Variants in KRT73 observed in about 807,000 individuals in gnomAD.
KRT73 encodes the protein keratin, type II cytoskeletal 73.
A neutral mutation model predicts 47.2 loss-of-function variants in KRT73; 44 were observed. That is an observed-to-expected ratio of 0.93 (90% CI 0.73 to 1.20). KRT73 has a LOEUF of 1.20. Ranked by LOEUF, KRT73 falls within the 50% of genes most tolerant of loss-of-function variation. KRT73 has a pLI of 0.00. For missense variants in KRT73, 713 were observed against 704.5 expected (o/e 1.01, Z -0.14); for synonymous variants, 285 against 291.3 (o/e 0.98, Z 0.22).
At chr12:52,629,696 A>G in the KRT73 span, among the ~76,000 whole-genome samples, 2 of 152,248 alleles carry the variant, frequency 1.3e-5, no homozygotes, top group African/African-American at 4.8e-5. Flanking sequence ...GCCTGTTCGC[A>G]TGAAAACAGA....
chr12:52,610,534 C>CT, intron 7 of KRT73, 81 bp downstream of exon 7: 3 of 186,018 alleles, frequency 1.6e-5, no homozygotes, highest in South Asian at 6.9e-5. Flanking sequence ...TCGCCGCCCC[C>CT]TCCCCCCCGC....
chr12:52,611,175 T>A (rs759417822), intron 6 of KRT73, 29 bp downstream of exon 6: 8 of 1,612,166 alleles, frequency 5.0e-6, no homozygotes, highest in Non-Finnish European at 6.8e-6. Context: ...CCCTTAGGAG[T>A]GAGTAAGGAA....
At chr12:52,611,432 G>T in intron 5 of KRT73, 103 bp from the exon 6 acceptor site, 2 of 1,424,916 alleles carry the variant, frequency 1.4e-6, no homozygotes, top group South Asian at 1.3e-5. Context: ...GCAGAGGTGG[G>T]TCCAGGTCCC....
At chr12:52,609,103 G>T in intron 8 of KRT73, 144 bp downstream of exon 8, 1 of 733,878 alleles carries the variant, frequency 1.4e-6, no homozygotes, top group Non-Finnish European at 2.5e-6. Context: ...GAGGCCGCAG[G>T]TCTCAGCAAG....
At position 52,618,266 on chromosome 12, in the gene KRT73, C is replaced by G. The variant is rs1345181544; in HGVS notation, c.259G>C (p.Gly87Arg). ...CACACGGACCCCAAGGCCACACTGCCAAACATGCTGCCAGCAAAGCCACTG... is the reference window on the plus strand; with the variant it reads ...CACACGGACCCCAAGGCCACACTGCGAAACATGCTGCCAGCAAAGCCACTG... ...RASGFAGSMF[G>R]SVALGSVCPS... The change falls in exon 1 of 9, where the codon GGC becomes CGC. Residue 87 changes from glycine (G) to arginine (R), a missense_variant. Physicochemically the swap from Gly to Arg is moderately radical, Grantham distance 125. Coordinates refer to ENST00000305748, the MANE Select transcript of KRT73 (RefSeq NM_175068.3). The G allele has an allele frequency of 3.1e-6, 5 of 1,614,178 alleles. No individual in the cohort carries two copies. The South Asian group carries it at 3.3e-5, about 11-fold the overall frequency.
At chr12:52,615,712 G>A (rs377413821) in intron 2 of KRT73, among the ~76,000 whole-genome samples, 1 of 152,318 alleles carries the variant, frequency 6.6e-6, no homozygotes. Flanking sequence ...CCCTAGGCAG[G>A]GGTCCCAAGG....
Position 52,615,270 on chromosome 12 carries a change from C to T in KRT73, c.723+9G>A. The T allele has an allele frequency of 1.2e-6, 2 of 1,612,192 alleles. No individual in the cohort carries two copies. The highest frequency in any genetic ancestry group is 1.7e-6 in the Non-Finnish European group (2 of 1,178,516). On this transcript the variant is annotated intron_variant, in intron 3 of 8. Coordinates refer to ENST00000305748, the MANE Select transcript of KRT73 (RefSeq NM_175068.3). ...GGGGGACTGAAGGGAACCCATGCAC[C>T]CTCCTCACCTTCTTAAGCACCACAA...
intron 1 of KRT73, among the ~76,000 whole-genome samples, chr12:52,617,585 G>T (rs926507896): frequency 4.6e-5 from 7 of 152,160 alleles, no homozygotes; most frequent in Non-Finnish European, 8.8e-5. Flanking sequence ...GGAACAGCTG[G>T]GTCGCATGGC....
the KRT73 span, among the ~76,000 whole-genome samples, chr12:52,623,828 G>A: frequency 6.6e-6 from 1 of 151,800 alleles, no homozygotes; most frequent in South Asian, 2.1e-4. Flanking sequence ...ATACAAAAAC[G>A]TTTACTAAAA....
the KRT73 span, among the ~76,000 whole-genome samples, chr12:52,629,016 T>A: frequency 6.6e-6 from 1 of 152,104 alleles, no homozygotes; most frequent in African/African-American, 2.4e-5. Context: ...ATCTCCCAAG[T>A]CAGGACCAGC....
Position 52,613,165 on chromosome 12 carries a change from G to A in KRT73, c.984+523C>T, listed in dbSNP as rs1389858390. Among the ~76,000 whole-genome samples, 3 of 152,210 alleles carry A rather than the reference G, an allele frequency of 2.0e-5. No individual in the cohort carries two copies. In the East Asian group the frequency reaches 5.8e-4, roughly 29 times the overall value. ...AATCAGGAAGTTGCCATCTTGATCTGAGAAACCAAATTATCTAAAGAATCA... is the reference window on the plus strand; with the variant it reads ...AATCAGGAAGTTGCCATCTTGATCTAAGAAACCAAATTATCTAAAGAATCA... On this transcript the variant is annotated intron_variant, in intron 5 of 8. Transcript: ENST00000305748.
chr12:52,614,695 C>T (rs1223124571), intron 3 of KRT73, 21 bp from the exon 4 acceptor site: 1 of 1,597,294 alleles, frequency 6.3e-7, no homozygotes. Context: ...TCCAGATACC[C>T]CTGACCTCAC....
At chr12:52,623,804 G>A in the KRT73 span, among the ~76,000 whole-genome samples, 3 of 151,956 alleles carry the variant, frequency 2.0e-5, no homozygotes, top group Admixed American at 6.5e-5. Flanking sequence ...ATACTCAGCA[G>A]CACTAAAAAT....
chr12:52,616,240 C>T lies in KRT73; in HGVS notation c.588G>A (p.Thr196=), dbSNP rs61736101. 85,234 of 1,614,102 alleles carry T rather than the reference C, an allele frequency of 0.053. 3,057 individuals are homozygous for T. The highest frequency in any genetic ancestry group is 0.18 in the African/African-American group (13,547 of 74,992). ...CCAGCCTCACCCTGTCCCCAGACAG[C>T]GTCTCCAGCTGCTTCCGCAGGTTGC... is the stretch of plus-strand genomic sequence containing the variant. ...YISNLRKQLE[T]LSGDRVRLDS... Residue 196 remains threonine, a synonymous_variant, in exon 2 of 9, where the codon ACG becomes ACA. Transcript: ENST00000305748.
At position 52,618,389 on chromosome 12, in the gene KRT73, G is replaced by A. The variant is rs199858931; in HGVS notation, c.136C>T (p.Arg46Trp). The A allele has an allele frequency of 8.7e-5, 141 of 1,614,178 alleles. No homozygotes were observed. The Admixed American group carries it at 1.1e-3, about 13-fold the overall frequency. ...GKGLSGGFSS[R>W]SLYSLGGARS... Reference sequence around the variant, plus strand: ...GCACCCCCCAGGCTGTAAAGGCTCCGACTGCTGAAGCCTCCACTGAGCCCT... The same window carrying A: ...GCACCCCCCAGGCTGTAAAGGCTCCAACTGCTGAAGCCTCCACTGAGCCCT... The change falls in exon 1 of 9, where the codon CGG becomes TGG. Residue 46 changes from arginine to tryptophan, a missense_variant. Coordinates refer to ENST00000305748, the MANE Select transcript of KRT73 (RefSeq NM_175068.3).
intron 8 of KRT73, 117 bp downstream of exon 8, chr12:52,609,130 C>T: frequency 2.3e-6 from 2 of 871,442 alleles, no homozygotes; most frequent in Non-Finnish European, 3.9e-6. Context: ...GAGTATGTGA[C>T]CAAGTGGTCA....
rs139947800 is a variant in KRT73 at position 52,608,449 on chromosome 12, A to G, written c.1370T>C (p.Val457Ala). 1.9e-5 allele frequency: 31 copies of G among 1,608,168 alleles called. No individual in the cohort carries two copies. The African/African-American group carries it at 3.3e-4, about 17-fold the overall frequency. ...GEYTNSVSIS[V>A]INSSMAGMAG... is the part of the protein sequence containing the mutation. Reference sequence around the variant, plus strand: ...CATCCCGGCCATGGAGCTGTTGATGACCGCTGCAGAGGAGGGAGGGACGAG... The same window carrying G: ...CATCCCGGCCATGGAGCTGTTGATGGCCGCTGCAGAGGAGGGAGGGACGAG... Residue 457 changes from valine to alanine, a missense_variant, in exon 9 of 9, where the codon GTC becomes GCC. Physicochemically the swap from Val to Ala is moderately conservative, Grantham distance 64. Transcript: ENST00000305748.
the KRT73 span, among the ~76,000 whole-genome samples, chr12:52,630,617 T>A: frequency 1.3e-5 from 2 of 151,864 alleles, no homozygotes; most frequent in South Asian, 4.2e-4. Context: ...ATAGAAAAAT[T>A]GGAAAAAAAA....
At chr12:52,616,423 A>G in intron 1 of KRT73, 43 bp from the exon 2 acceptor site, 1 of 1,607,344 alleles carries the variant, frequency 6.2e-7, no homozygotes, top group Non-Finnish European at 8.5e-7. Flanking sequence ...TGGAGAGGGG[A>G]TGTGAGAATT....
Sources: allele counts gnomAD v4.1 joint callset (sites outside exome capture counted in the v4.1 genomes callset), GRCh38; gene constraint gnomAD v4.1.1; transcripts MANE v1.5; gene names NCBI Gene and HGNC (gene_info 2026-07-23, HGNC 2026-07-21).